Variants in SLC28A3 observed in about 807,000 individuals in gnomAD.
SLC28A3 encodes the protein concentrative Na(+)-nucleoside cotransporter 3.
SLC28A3 carries 68 observed loss-of-function variants against 84.2 expected under a neutral mutation model. The ratio of observed to expected loss-of-function variants is 0.81; its 90% CI spans 0.66 to 0.99. SLC28A3 has a LOEUF of 0.99. Ranked by LOEUF, SLC28A3 falls within the 50% of genes least tolerant of loss-of-function variation. SLC28A3 has a pLI of 0.00. For synonymous variants in SLC28A3, 267 were observed against 303.6 expected (o/e 0.88, Z 1.25); for missense variants, 712 against 841.5 (o/e 0.85, Z 1.90).
At chr9:84,282,056 C>G (rs936125287) in intron 14 of SLC28A3, among the ~76,000 whole-genome samples, 1 of 152,164 alleles carries the variant, frequency 6.6e-6, no homozygotes, top group Non-Finnish European at 1.5e-5. Flanking sequence ...GCAGGAGAAT[C>G]ACTTGAACCC....
chr9:84,360,449 G>C, the SLC28A3 span, among the ~76,000 whole-genome samples: 4 of 151,950 alleles, frequency 2.6e-5, no homozygotes, highest in Non-Finnish European at 5.9e-5. Flanking sequence ...GATGTTTGAG[G>C]TTCTCATGGG....
the SLC28A3 span, among the ~76,000 whole-genome samples, chr9:84,366,062 ACAAAAAAAAGATTGGGTG>A: frequency 1.3e-5 from 2 of 151,122 alleles, no homozygotes; most frequent in Non-Finnish European, 2.9e-5. Context: ...AAACAAAAAA[ACAAAAAAAAGATTGGGTG>A]CATTCGGGGT....
chr9:84,304,971 G>A (rs1039165043), intron 4 of SLC28A3, among the ~76,000 whole-genome samples: 3 of 152,140 alleles, frequency 2.0e-5, no homozygotes, highest in South Asian at 2.1e-4. Flanking sequence ...GCAGTGAGCT[G>A]AGATGGCGCC....
chr9:84,285,291 C>T (rs533570070), intron 14 of SLC28A3, 54 bp downstream of exon 14: 223 of 1,544,936 alleles, frequency 1.4e-4, no homozygotes, highest in African/African-American at 8.8e-4. Context: ...AAGTAATAGA[C>T]GAATGCAGGT....
chr9:84,310,644 T>C, intron 2 of SLC28A3: 1 of 963,854 alleles, frequency 1.0e-6, no homozygotes, highest in Non-Finnish European at 1.2e-6. Context: ...GAAAGAATTC[T>C]CAAAAATCCT....
upstream of SLC28A3, among the ~76,000 whole-genome samples, chr9:84,341,001 AG>A (rs1473572659): frequency 5.6e-5 from 8 of 144,032 alleles, no homozygotes; most frequent in African/African-American, 2.1e-4. Flanking sequence ...TTTGAGATGG[AG>A]TCTCAAAAAA....
At chr9:84,304,792 C>T (rs775633621) in intron 4 of SLC28A3, among the ~76,000 whole-genome samples, 10 of 152,122 alleles carry the variant, frequency 6.6e-5, no homozygotes, top group Admixed American at 1.3e-4. Flanking sequence ...GAGGCCAAGG[C>T]GGGCAAATCA....
rs1824595767 is a variant in SLC28A3 at position 84,278,249 on chromosome 9, A to C, written c.2045T>G (p.Phe682Cys). 6.2e-7 allele frequency: 1 copy of C among 1,614,002 alleles called. No individual in the cohort carries two copies. The highest frequency in any genetic ancestry group is 1.1e-5 in the South Asian group (1 of 91,076). ...TGTATTAGAGATCCCATTGCAGTTA[A>C]AGGTCGATGGATTCAACAATGTGCA... ...GCCTLLNPST[F>C]NCNGISNTF The change falls in exon 18 of 18, where the codon TTT becomes TGT. Residue 682 changes from phenylalanine to cysteine, a missense_variant. By Grantham distance (205) the Phe-to-Cys change is radical (BLOSUM62 -2). Coordinates refer to ENST00000376238, the MANE Select transcript of SLC28A3 (RefSeq NM_001199633.2).
chr9:84,290,793 AC>A (rs1323139454), intron 10 of SLC28A3, among the ~76,000 whole-genome samples: 1 of 151,966 alleles, frequency 6.6e-6, no homozygotes, highest in Non-Finnish European at 1.5e-5. Context: ...CAGACCCTAA[AC>A]CTGTTTCCTG....
chr9:84,296,595 C>T (rs139018606), intron 8 of SLC28A3, among the ~76,000 whole-genome samples: 174 of 152,328 alleles, frequency 1.1e-3, no homozygotes, highest in African/African-American at 4.1e-3. Context: ...ATGTGGGAGC[C>T]TCAAGAAGGA....
chr9:84,282,096 C>G (rs775806998), intron 14 of SLC28A3, among the ~76,000 whole-genome samples: 1 of 152,144 alleles, frequency 6.6e-6, no homozygotes, highest in Non-Finnish European at 1.5e-5. Context: ...GAGCTGAGAT[C>G]GCACCGTTGC....
rs563915640 is a variant in SLC28A3, at chr9:84,295,280, T to C, written c.862-1005A>G. On this transcript the variant is annotated intron_variant, in intron 8 of 17. Transcript: ENST00000376238. ...CATTTTGGAAGCTACTTTAGTTCTG[T>C]GTTAAAGGCCATTGTATTTTCCAGC... Among the ~76,000 whole-genome samples, 14 of 152,302 alleles carry C rather than the reference T, an allele frequency of 9.2e-5. No individual in the cohort carries two copies. The South Asian group carries it at 2.7e-3, about 29-fold the overall frequency.
the SLC28A3 span, among the ~76,000 whole-genome samples, chr9:84,349,475 G>C: frequency 6.6e-6 from 1 of 152,208 alleles, no homozygotes; most frequent in African/African-American, 2.4e-5. Flanking sequence ...GACTTCAAGT[G>C]ATCTGTCCGC....
intron 10 of SLC28A3, 55 bp downstream of exon 10, chr9:84,292,613 G>A (rs1825279624): frequency 7.0e-7 from 1 of 1,421,338 alleles, no homozygotes; most frequent in Admixed American, 2.0e-5. Context: ...TTGGCTTTTT[G>A]GAAAGAGACG....
At chr9:84,294,393 A>T in intron 8 of SLC28A3, 118 bp from the exon 9 acceptor site, 2 of 877,848 alleles carry the variant, frequency 2.3e-6, no homozygotes, top group Non-Finnish European at 3.5e-6. Context: ...AATATGGGAA[A>T]CTCCTCTTGA....
At chr9:84,292,525 G>A (rs1027446477) in intron 10 of SLC28A3, 143 bp downstream of exon 10, 7 of 562,082 alleles carry the variant, frequency 1.2e-5, no homozygotes, top group South Asian at 4.9e-5. Flanking sequence ...CCTGGAATCC[G>A]GACATTGCCA....
Position 84,292,417 on chromosome 9 carries a change from C to T in SLC28A3, c.1023+251G>A, listed in dbSNP as rs747389328. Among the ~76,000 whole-genome samples the T allele has an allele frequency of 4.6e-5, 7 of 152,122 alleles. No homozygotes were observed. The East Asian group carries it at 1.2e-3, about 25-fold the overall frequency. On this transcript the variant is annotated intron_variant, in intron 10 of 17. Transcript: ENST00000376238. ...CAAGAACCCAATTCTACATACCATA[C>T]CCAGACTGTTAAAAGGAATTTCTCT...
intron 1 of SLC28A3, among the ~76,000 whole-genome samples, chr9:84,325,467 C>A (rs895028547): frequency 1.3e-5 from 2 of 152,048 alleles, no homozygotes; most frequent in African/African-American, 4.8e-5. Context: ...ACTCCCTGAC[C>A]CTGAAAGTAG....
intron 14 of SLC28A3, among the ~76,000 whole-genome samples, chr9:84,283,292 T>C (rs756603320): frequency 7.2e-5 from 11 of 152,230 alleles, no homozygotes; most frequent in Non-Finnish European, 1.2e-4. Flanking sequence ...ACCTCACAGC[T>C]CTCCTTGTGT....
Sources: gnomAD v4.1 joint callset for allele counts (sites outside exome capture counted in the v4.1 genomes callset) on GRCh38, gnomAD v4.1.1 for gene constraint, MANE v1.5 for transcripts, NCBI Gene and HGNC (gene_info 2026-07-23, HGNC 2026-07-21) for gene names.